Variants in TBCCD1 observed in about 807,000 individuals in gnomAD.
TBCCD1 encodes TBCC domain containing 1.
TBCCD1 carries 26 observed loss-of-function variants against 53.4 expected under a neutral mutation model. The observed-to-expected ratio is 0.49, with a 90% CI of 0.36 to 0.68. The LOEUF (loss-of-function observed/expected upper bound fraction) is 0.68, where lower values mean the gene tolerates loss of function less well. Ranked by LOEUF, TBCCD1 falls within the 30% of genes least tolerant of loss-of-function variation. The pLI, the probability that TBCCD1 is intolerant of heterozygous loss-of-function variation, is 0.00. For missense variants in TBCCD1, 558 were observed against 669.5 expected (o/e 0.83, Z 1.84); for synonymous variants, 245 against 241.7 (o/e 1.01, Z -0.13).
At chr3:186,556,342 T>C (rs1262649273) in intron 4 of TBCCD1, 67 bp downstream of exon 4, 2 of 1,537,256 alleles carry the variant, frequency 1.3e-6, no homozygotes, top group Non-Finnish European at 1.7e-6. Flanking sequence ...ATCACTAATA[T>C]ATTAGAAAAC....
intron 6 of TBCCD1, among the ~76,000 whole-genome samples, chr3:186,552,773 G>C (rs1184863362): frequency 2.6e-5 from 4 of 152,088 alleles, no homozygotes; most frequent in Non-Finnish European, 4.4e-5. Flanking sequence ...ACCTTTTACT[G>C]AGATGAAACA....
In TBCCD1 at chr3:186,554,505, G is replaced by A. The variant is rs1055283734; in HGVS notation, c.1293C>T (p.Ala431=). ...TAGGCACTGTAGCAAGGCCAGTCCT[G>A]GCCATATGGTCCTCTAGCATTGGGT... is the stretch of plus-strand genomic sequence containing the variant. ...THYPMLEDHM[A]RTGLATVPNY... Residue 431 remains alanine (A), a synonymous_variant, in exon 6 of 8, where the codon GCC becomes GCT. Transcript: ENST00000338733. 1.9e-6 allele frequency: 3 copies of A among 1,614,094 alleles called. No homozygotes were observed. The highest frequency in any genetic ancestry group is 1.3e-5 in the African/African-American group (1 of 74,928).
At chr3:186,549,117 G>A (rs9834133) in intron 7 of TBCCD1, among the ~76,000 whole-genome samples, 55,191 of 150,966 alleles carry the variant, frequency 0.37, 12,358 homozygotes, top group East Asian at 0.72. Context: ...GTGAAACCTC[G>A]TCTCTACTAA....
chr3:186,568,486 C>T (rs1714900211), upstream of TBCCD1, among the ~76,000 whole-genome samples: 1 of 152,158 alleles, frequency 6.6e-6, no homozygotes, highest in South Asian at 2.1e-4. Flanking sequence ...AGTACTTCAG[C>T]ACCTACTCCA....
intron 7 of TBCCD1, 109 bp downstream of exon 7, chr3:186,551,020 G>T: frequency 8.8e-7 from 1 of 1,140,726 alleles, no homozygotes; most frequent in African/African-American, 1.6e-5. Flanking sequence ...ATGCTGGTAG[G>T]AGCGGTAGAA....
At chr3:186,558,899 C>T (rs541087205) in intron 2 of TBCCD1, among the ~76,000 whole-genome samples, 8 of 152,250 alleles carry the variant, frequency 5.3e-5, no homozygotes, top group East Asian at 3.9e-4. Context: ...TGTGCCACCA[C>T]GCCCAACTAA....
chr3:186,555,305 A>T (rs955924752), intron 4 of TBCCD1, among the ~76,000 whole-genome samples: 14 of 152,182 alleles, frequency 9.2e-5, no homozygotes, highest in East Asian at 5.8e-4. Context: ...AAAAAATTTT[A>T]AAACCTATAA....
At chr3:186,559,468 G>C in intron 2 of TBCCD1, among the ~76,000 whole-genome samples, 1 of 152,154 alleles carries the variant, frequency 6.6e-6, no homozygotes, top group East Asian at 1.9e-4. Context: ...TCTTATTCAA[G>C]GAAGGGTGTG....
chr3:186,569,615 C>A (rs1380257289), upstream of TBCCD1, among the ~76,000 whole-genome samples: 7 of 144,994 alleles, frequency 4.8e-5, no homozygotes, highest in Non-Finnish European at 5.9e-5. Flanking sequence ...TGAGCCACCG[C>A]GCCCGGGCTT....
At chr3:186,549,766 G>A (rs1191253510) in intron 7 of TBCCD1, among the ~76,000 whole-genome samples, 1 of 152,180 alleles carries the variant, frequency 6.6e-6, no homozygotes, top group African/African-American at 2.4e-5. Context: ...AGTGGTAAAC[G>A]AAATGTTTTG....
chr3:186,568,638 T>C (rs1270603656), upstream of TBCCD1, among the ~76,000 whole-genome samples: 1 of 152,078 alleles, frequency 6.6e-6, no homozygotes, highest in African/African-American at 2.4e-5. Flanking sequence ...TGGTGGCTCA[T>C]GCCTATAATC....
rs1714488878 is a variant in TBCCD1 at position 186,554,904 on chromosome 3, G to A, written c.1040C>T (p.Pro347Leu). 1 of 1,613,630 alleles carries A rather than the reference G, an allele frequency of 6.2e-7. No individual in the cohort carries two copies. The highest frequency in any genetic ancestry group is 1.7e-5 in the Admixed American group (1 of 59,974). Residue 347 changes from proline (P) to leucine (L), a missense_variant, in exon 5 of 8, where the codon CCC (proline) becomes CTC (leucine). Pro to Leu is a moderately conservative substitution (Grantham distance 98, BLOSUM62 -3). Transcript: ENST00000338733. ...CCATGAAAACTGTGCTTACCGTAAG[G>A]GAGAGAGCAGATATATAAAAGATTC... ...CNESFIYLLS[P>L]LRSVTIEKCR...
chr3:186,552,353 T>C (rs907881899), intron 6 of TBCCD1, among the ~76,000 whole-genome samples: 4 of 152,186 alleles, frequency 2.6e-5, no homozygotes, highest in South Asian at 2.1e-4. Context: ...CTTGCTATTG[T>C]ATTCTTTTGT....
chr3:186,547,330 T>C (rs1389642334), intron 7 of TBCCD1, among the ~76,000 whole-genome samples: 1 of 151,682 alleles, frequency 6.6e-6, no homozygotes, highest in African/African-American at 2.4e-5. Flanking sequence ...CAATCATAGC[T>C]CACTGCAGCC....
At chr3:186,568,861 C>A (rs1714912708), upstream of TBCCD1, among the ~76,000 whole-genome samples, 1 of 149,708 alleles carries the variant, frequency 6.7e-6, no homozygotes, top group African/African-American at 2.5e-5. Flanking sequence ...CAAGATCACG[C>A]TACTGCTCTC....
intron 6 of TBCCD1, 116 bp downstream of exon 6, chr3:186,554,138 G>A (rs1045595701): frequency 5.9e-5 from 86 of 1,448,218 alleles, no homozygotes; most frequent in East Asian, 4.3e-4. Context: ...GTGAGCCACC[G>A]CGCCCAGCCT....
upstream of TBCCD1, chr3:186,570,259 TC>T (rs1390066766): frequency 1.7e-6 from 1 of 576,980 alleles, no homozygotes; most frequent in East Asian, 2.8e-5. Context: ...GAATAACTGT[TC>T]CCGCTCATTC....
At chr3:186,562,589 T>TA (rs1216455041) in intron 2 of TBCCD1, among the ~76,000 whole-genome samples, 11 of 152,020 alleles carry the variant, frequency 7.2e-5, no homozygotes, top group African/African-American at 2.7e-4. Context: ...GCAAGAAAAT[T>TA]AAGTTCTGAA....
intron 3 of TBCCD1, among the ~76,000 whole-genome samples, chr3:186,557,319 G>A (rs138180291): frequency 8.5e-5 from 13 of 152,306 alleles, no homozygotes; most frequent in African/African-American, 3.1e-4. Context: ...TAACTGACTT[G>A]CCTAAAATCG....
Sources: allele counts gnomAD v4.1 joint callset (sites outside exome capture counted in the v4.1 genomes callset), GRCh38; gene constraint gnomAD v4.1.1; transcripts MANE v1.5; gene names NCBI Gene and HGNC (gene_info 2026-07-23, HGNC 2026-07-21).